UBXN2B: variants seen among roughly 807,000 people sequenced by gnomAD.
UBXN2B encodes UBX domain-containing protein 2B.
In UBXN2B, 19 loss-of-function variants were observed where a neutral mutation model predicts 37.5. That is an observed-to-expected ratio of 0.51 (90% CI 0.35 to 0.74). The LOEUF (loss-of-function observed/expected upper bound fraction) is 0.74, where lower values mean the gene tolerates loss of function less well. Ranked by LOEUF, UBXN2B falls within the 30% of genes least tolerant of loss-of-function variation. The probability of loss-of-function intolerance (pLI) is 0.01; values close to 1 mark genes in which losing one functional copy is unlikely to be tolerated. For synonymous variants in UBXN2B, 145 were observed against 143.8 expected (o/e 1.01, Z -0.06); for missense variants, 370 against 393.2 (o/e 0.94, Z 0.50).
At chr8:58,425,913 GCA>G in intron 2 of UBXN2B, 4 of 1,229,530 alleles carry the variant, frequency 3.3e-6, no homozygotes, top group Non-Finnish European at 4.8e-6. Flanking sequence ...TCACTGGTGC[GCA>G]CAGAGAGAAC....
At chr8:58,423,941 A>T (rs1808003838) in intron 2 of UBXN2B, among the ~76,000 whole-genome samples, 1 of 152,052 alleles carries the variant, frequency 6.6e-6, no homozygotes, top group Non-Finnish European at 1.5e-5. Context: ...GCTGGAAAAA[A>T]AAAAAGCTAC....
rs184966694 is a variant in UBXN2B at position 58,451,171 on chromosome 8, A to T, written c.*3620A>T. On this transcript the variant is annotated 3_prime_UTR_variant, in exon 8 of 8. Transcript: ENST00000399598. ...AATTATTTGAAATTTTCTTGTTTTT[A>T]TCAGTTGAGTGCCTATAGATGCACA... 1 of 152,694 alleles carries T rather than the reference A, an allele frequency of 6.5e-6. No individual in the cohort carries two copies. The highest frequency in any genetic ancestry group is 1.5e-5 in the Non-Finnish European group (1 of 68,024). The allele number at this position is 152,694 out of a possible 1,614,324, so 9.5% of individuals were successfully genotyped here.
intron 1 of UBXN2B, among the ~76,000 whole-genome samples, chr8:58,416,042 T>A (rs1439403035): frequency 2.0e-5 from 3 of 151,400 alleles, no homozygotes; most frequent in Non-Finnish European, 4.4e-5. Context: ...TGTTTGTTTG[T>A]TTTTTGGGTT....
chr8:58,434,580 G>A (rs1808366530), intron 5 of UBXN2B, 76 bp downstream of exon 5: 1 of 1,108,576 alleles, frequency 9.0e-7, no homozygotes, highest in South Asian at 1.9e-5. Flanking sequence ...CATTATTAGT[G>A]CACTACGGGT....
intron 1 of UBXN2B, among the ~76,000 whole-genome samples, chr8:58,415,224 T>G (rs1807745172): frequency 6.6e-6 from 1 of 152,066 alleles, no homozygotes; most frequent in Non-Finnish European, 1.5e-5. Flanking sequence ...GAAAAGGTTT[T>G]GTGAAGGAGA....
At position 58,447,704 on chromosome 8, in the gene UBXN2B, A is replaced by C. The variant is rs1808713047; in HGVS notation, c.*153A>C. 2.9e-6 allele frequency: 2 copies of C among 687,258 alleles called. No individual in the cohort carries two copies. Among genetic ancestry groups the C allele is most frequent in the African/African-American group, 3.6e-5 (2 of 55,454 alleles). The allele number at this position is 687,258 out of a possible 1,614,324, so 42.6% of individuals were successfully genotyped here. ...TTATTCTGTCTTCCAATCTGAATAT[A>C]GACAAATTTGGATTAGGAATAGACC... is the stretch of plus-strand genomic sequence containing the variant. On this transcript the variant is annotated 3_prime_UTR_variant, in exon 8 of 8. Coordinates refer to ENST00000399598, the MANE Select transcript of UBXN2B (RefSeq NM_001077619.2).
At chr8:58,414,310 C>A (rs1448075633) in intron 1 of UBXN2B, among the ~76,000 whole-genome samples, 3 of 152,178 alleles carry the variant, frequency 2.0e-5, no homozygotes, top group Admixed American at 6.5e-5. Context: ...ATATGCATTT[C>A]CTAGAAGTTC....
At chr8:58,446,181 C>G in intron 7 of UBXN2B, 113 bp downstream of exon 7, 1 of 1,164,052 alleles carries the variant, frequency 8.6e-7, no homozygotes, top group Non-Finnish European at 1.1e-6. Context: ...TTTAGGTTTA[C>G]TTTTGAAGTA....
chr8:58,437,835 G>A (rs912936832), intron 5 of UBXN2B, among the ~76,000 whole-genome samples: 1 of 152,184 alleles, frequency 6.6e-6, no homozygotes, highest in African/African-American at 2.4e-5. Context: ...CAAGCAGGCT[G>A]TGGAGCAACC....
At position 58,449,728 on chromosome 8, in the gene UBXN2B, C is replaced by T. The variant is rs1228509414; in HGVS notation, c.*2177C>T. ...CCTGGGAGTAATCTTCAGCTCACTG[C>T]TGTTCTCTGGGCTTGTTGACTGTCT... On this transcript the variant is annotated 3_prime_UTR_variant, in exon 8 of 8. Transcript: ENST00000399598. The T allele has an allele frequency of 1.3e-5, 2 of 152,228 alleles. No individual in the cohort carries two copies. Among genetic ancestry groups the T allele is most frequent in the African/African-American group, 4.8e-5 (2 of 41,450 alleles). 9.4% of individuals were successfully genotyped at this position (152,228 alleles called of 1,614,324 possible). A position where few individuals can be genotyped will look rare whatever the true frequency, so the allele number is the denominator to read the frequency against.
rs1188616624 is a variant in UBXN2B, at chr8:58,435,206, G to A, written c.533+702G>A. On this transcript the variant is annotated intron_variant, in intron 5 of 7. Coordinates refer to ENST00000399598, the MANE Select transcript of UBXN2B (RefSeq NM_001077619.2). ...TGTAGGAAAGGATCAGAGTTTTACTGTATATAACCAGAGTTATATATACAG... is the reference window on the plus strand; with the variant it reads ...TGTAGGAAAGGATCAGAGTTTTACTATATATAACCAGAGTTATATATACAG... The A allele has an allele frequency of 1.5e-5, 18 of 1,163,836 alleles. No individual in the cohort carries two copies. The South Asian group carries it at 1.7e-4, about 11-fold the overall frequency. The allele number at this position is 1,163,836 out of a possible 1,614,324, so 72.1% of individuals were successfully genotyped here. A position where few individuals can be genotyped will look rare whatever the true frequency, so the allele number is the denominator to read the frequency against.
At chr8:58,445,177 G>C (rs1808639234) in intron 6 of UBXN2B, among the ~76,000 whole-genome samples, 1 of 152,138 alleles carries the variant, frequency 6.6e-6, no homozygotes, top group Non-Finnish European at 1.5e-5. Context: ...TATACTGGCT[G>C]ATCATCCTGC....
chr8:58,417,070 A>T (rs1011152267), intron 2 of UBXN2B, 117 bp downstream of exon 2: 45 of 800,352 alleles, frequency 5.6e-5, no homozygotes, highest in Non-Finnish European at 7.6e-5. Flanking sequence ...TTTAAAAATT[A>T]TTATTCCAAG....
At chr8:58,416,716 A>G in intron 1 of UBXN2B, 134 bp from the exon 2 acceptor site, 1 of 601,572 alleles carries the variant, frequency 1.7e-6, no homozygotes, top group Non-Finnish European at 2.6e-6. Flanking sequence ...GAAAGGAATC[A>G]TCTGAAGCAG....
intron 1 of UBXN2B, among the ~76,000 whole-genome samples, chr8:58,416,217 C>T (rs899563376): frequency 6.6e-6 from 1 of 151,722 alleles, no homozygotes; most frequent in African/African-American, 2.4e-5. Flanking sequence ...TTTTAAAATT[C>T]CATTTTAAGA....
chr8:58,426,264 TG>T (rs1808083856), intron 2 of UBXN2B: 2 of 521,176 alleles, frequency 3.8e-6, no homozygotes, highest in Admixed American at 6.2e-5. Flanking sequence ...TGGAGTGCAG[TG>T]GCATGATCTC....
At chr8:58,441,365 A>G (rs199571735) in intron 6 of UBXN2B, among the ~76,000 whole-genome samples, 11 of 145,586 alleles carry the variant, frequency 7.6e-5, no homozygotes, top group African/African-American at 1.6e-4. Context: ...ATATATATAT[A>G]TATGTATGTG....
chr8:58,420,352 T>TAA (rs906830924), intron 2 of UBXN2B, among the ~76,000 whole-genome samples: 2 of 152,070 alleles, frequency 1.3e-5, no homozygotes, highest in South Asian at 4.1e-4. Context: ...GTCATTTTTT[T>TAA]AAAAAACAGT....
chr8:58,422,335 G>C (rs1391782796), intron 2 of UBXN2B, among the ~76,000 whole-genome samples: 1 of 152,210 alleles, frequency 6.6e-6, no homozygotes. Context: ...ACCTCAGAAA[G>C]GAACTACTAC....
Sources: gnomAD v4.1 joint callset for allele counts (sites outside exome capture counted in the v4.1 genomes callset) on GRCh38, gnomAD v4.1.1 for gene constraint, MANE v1.5 for transcripts, NCBI Gene and HGNC (gene_info 2026-07-23, HGNC 2026-07-21) for gene names.